Variants in ULK4 observed in about 807,000 individuals in gnomAD.
ULK4 encodes unc-51 like kinase 4.
ULK4 carries 133 observed loss-of-function variants against 160.6 expected under a neutral mutation model. That is an observed-to-expected ratio of 0.83 (90% CI 0.72 to 0.96). The LOEUF (loss-of-function observed/expected upper bound fraction) is 0.96. Ranked by LOEUF, ULK4 falls within the 40% of genes least tolerant of loss-of-function variation. ULK4 has a pLI of 0.00. For synonymous variants in ULK4, 534 were observed against 539.8 expected (o/e 0.99, Z 0.15); for missense variants, 1,580 against 1,499.5 (o/e 1.05, Z -0.89).
chr3:41,641,653 A>G (rs900863386), intron 30 of ULK4, among the ~76,000 whole-genome samples: 4 of 152,314 alleles, frequency 2.6e-5, no homozygotes, highest in African/African-American at 9.6e-5. Context: ...ACCCACTTCT[A>G]GGAAGAGTTC....
At chr3:41,276,741 A>C (rs763448590) in intron 35 of ULK4, among the ~76,000 whole-genome samples, 32 of 152,252 alleles carry the variant, frequency 2.1e-4, no homozygotes, top group Non-Finnish European at 4.6e-4. Context: ...CAAATCAATA[A>C]GTATAAGGTC....
chr3:41,792,449 A>T (rs769674280), intron 20 of ULK4, among the ~76,000 whole-genome samples: 21 of 152,184 alleles, frequency 1.4e-4, no homozygotes, highest in Non-Finnish European at 2.2e-4. Flanking sequence ...GTCCTTAAAG[A>T]TCAGAATTTT....
chr3:41,457,802 C>A (rs1370041458), intron 33 of ULK4, among the ~76,000 whole-genome samples: 1 of 152,204 alleles, frequency 6.6e-6, no homozygotes, highest in Non-Finnish European at 1.5e-5. Context: ...GTCCCACTGA[C>A]CCCTTTCCAG....
intron 35 of ULK4, among the ~76,000 whole-genome samples, chr3:41,297,041 T>C (rs2079682785): frequency 6.6e-6 from 1 of 152,130 alleles, no homozygotes; most frequent in Non-Finnish European, 1.5e-5. Flanking sequence ...ATTCCACAAA[T>C]TGAGCCTGAA....
rs1553640531 is a variant in ULK4 at position 41,300,837 on chromosome 3, T to TATATATATA, written c.3679-51264_3679-51263insTATATATAT. On this transcript the variant is annotated intron_variant, in intron 35 of 36. Transcript: ENST00000301831. Reference sequence around the variant, plus strand: ...GATTAAATTTTGATCATTTTACAGATTATATATATATATATATATATATAT... The same window carrying TATATATATA: ...GATTAAATTTTGATCATTTTACAGATATATATATATATATATATATATATATATATATAT... Among the ~76,000 whole-genome samples, 93 of 57,862 alleles carry TATATATATA rather than the reference T, an allele frequency of 1.6e-3. 3 individuals carry two copies. Among genetic ancestry groups the TATATATATA allele is most frequent in the African/African-American group, 2.6e-3 (56 of 21,952 alleles). The allele number at this position is 57,862 out of a possible 152,430, so 38.0% of individuals were successfully genotyped here. A position where few individuals can be genotyped will look rare whatever the true frequency, so the allele number is the denominator to read the frequency against.
At chr3:41,754,085 A>G (rs576581114) in intron 22 of ULK4, among the ~76,000 whole-genome samples, 10 of 152,200 alleles carry the variant, frequency 6.6e-5, no homozygotes, top group African/African-American at 2.2e-4. Context: ...ACACGTGGGG[A>G]TTACAGGGAT....
chr3:41,461,605 CAG>C (rs1559619935), intron 33 of ULK4, among the ~76,000 whole-genome samples: 1 of 152,154 alleles, frequency 6.6e-6, no homozygotes, highest in Non-Finnish European at 1.5e-5. Context: ...CAATAAAAAA[CAG>C]TGATCTACTG....
At chr3:41,386,763 G>A (rs1026084181) in intron 35 of ULK4, among the ~76,000 whole-genome samples, 1 of 152,192 alleles carries the variant, frequency 6.6e-6, no homozygotes, top group Non-Finnish European at 1.5e-5. Context: ...ATACTAGGAG[G>A]AGACCGCAAG....
At chr3:41,317,108 G>A (rs1352645325) in intron 35 of ULK4, among the ~76,000 whole-genome samples, 1 of 114,360 alleles carries the variant, frequency 8.7e-6, no homozygotes, top group East Asian at 2.4e-4. Context: ...TCGCTCTGTC[G>A]CCCAGGCCGG....
At chr3:41,357,136 T>C (rs1295473105) in intron 35 of ULK4, among the ~76,000 whole-genome samples, 2 of 152,208 alleles carry the variant, frequency 1.3e-5, no homozygotes, top group Admixed American at 6.5e-5. Flanking sequence ...CCTAGAAGCT[T>C]GGACTATGTG....
intron 32 of ULK4, among the ~76,000 whole-genome samples, chr3:41,477,959 A>AGTGCTAATACAAGACCACATAGGTGTC (rs2084196647): frequency 6.6e-6 from 1 of 152,238 alleles, no homozygotes; most frequent in East Asian, 1.9e-4. Flanking sequence ...GGTTGGCATA[A>AGTGCTAATACAAGACCACATAGGTGTC]GTGCTAATAC....
chr3:41,690,281 G>C (rs974686316), intron 27 of ULK4, among the ~76,000 whole-genome samples: 1 of 151,496 alleles, frequency 6.6e-6, no homozygotes, highest in South Asian at 2.1e-4. Flanking sequence ...TCACACTCCG[G>C]GGACTGTTGT....
chr3:41,728,774 A>G (rs1188048643), intron 22 of ULK4, among the ~76,000 whole-genome samples: 1 of 152,182 alleles, frequency 6.6e-6, no homozygotes, highest in Non-Finnish European at 1.5e-5. Flanking sequence ...GGTAAATGTG[A>G]ATTAGGTTAT....
At chr3:41,919,178 G>A (rs1251406035) in intron 6 of ULK4, among the ~76,000 whole-genome samples, 1 of 152,092 alleles carries the variant, frequency 6.6e-6, no homozygotes, top group East Asian at 1.9e-4. Flanking sequence ...CAATTTTTGA[G>A]TTAGGCACAT....
intron 32 of ULK4, among the ~76,000 whole-genome samples, chr3:41,528,421 C>A (rs2643963): frequency 3.3e-5 from 5 of 152,148 alleles, no homozygotes; most frequent in South Asian, 2.1e-4. Flanking sequence ...ATTTTGTAGC[C>A]TACTTGTAAG....
At chr3:41,641,183 T>C (rs1158803931) in intron 30 of ULK4, among the ~76,000 whole-genome samples, 1 of 152,174 alleles carries the variant, frequency 6.6e-6, no homozygotes, top group African/African-American at 2.4e-5. Context: ...CACCCTCCTG[T>C]GAAATCTTCT....
chr3:41,788,940 A>C (rs2040072040), intron 21 of ULK4, among the ~76,000 whole-genome samples: 1 of 152,222 alleles, frequency 6.6e-6, no homozygotes, highest in Admixed American at 6.5e-5. Flanking sequence ...CTCAAAGCAT[A>C]AAGTTCAAAC....
chr3:41,386,700 T>C (rs1018390214), intron 35 of ULK4, among the ~76,000 whole-genome samples: 1 of 152,184 alleles, frequency 6.6e-6, no homozygotes, highest in African/African-American at 2.4e-5. Flanking sequence ...TCCTATTAAA[T>C]GCCTCTTGCA....
intron 17 of ULK4, among the ~76,000 whole-genome samples, chr3:41,862,375 G>A (rs1217986398): frequency 1.3e-5 from 2 of 152,116 alleles, no homozygotes; most frequent in Non-Finnish European, 2.9e-5. Context: ...ACCTATCTCT[G>A]TTTCTCCAGG....
Sources: allele counts gnomAD v4.1 joint callset (sites outside exome capture counted in the v4.1 genomes callset), GRCh38; gene constraint gnomAD v4.1.1; transcripts MANE v1.5; gene names NCBI Gene and HGNC (gene_info 2026-07-23, HGNC 2026-07-21).